ELOC: variants seen among roughly 807,000 people sequenced by gnomAD.
ELOC encodes elongin-C.
For missense variants in ELOC, 38 were observed against 139.0 expected (o/e 0.27, Z 3.65); for synonymous variants, 40 against 51.3 (o/e 0.78, Z 0.94).
chr8:73,953,592 G>T (rs1341029476), intron 3 of ELOC, among the ~76,000 whole-genome samples: 1 of 152,034 alleles, frequency 6.6e-6, no homozygotes, highest in Non-Finnish European at 1.5e-5. Flanking sequence ...CCTGGGAGGT[G>T]GAGGTTGTGG....
intron 1 of ELOC, among the ~76,000 whole-genome samples, chr8:73,961,183 T>C (rs1814567469): frequency 6.6e-6 from 1 of 152,242 alleles, no homozygotes; most frequent in Non-Finnish European, 1.5e-5. Flanking sequence ...AGTAACATAC[T>C]ACAGCATTTA....
At chr8:73,957,763 T>TCCAC (rs1814293740) in intron 2 of ELOC, among the ~76,000 whole-genome samples, 1 of 152,088 alleles carries the variant, frequency 6.6e-6, no homozygotes, top group African/African-American at 2.4e-5. Context: ...CATCCATCCA[T>TCCAC]CCACCCACCC....
At chr8:73,963,368 T>C (rs944487166) in intron 1 of ELOC, among the ~76,000 whole-genome samples, 6 of 152,236 alleles carry the variant, frequency 3.9e-5, no homozygotes, top group Non-Finnish European at 8.8e-5. Flanking sequence ...GTTGGGTAAG[T>C]CTCCATTTTG....
intron 3 of ELOC, among the ~76,000 whole-genome samples, chr8:73,953,575 G>A (rs1314153688): frequency 3.3e-5 from 5 of 151,746 alleles, no homozygotes; most frequent in African/African-American, 7.3e-5. Context: ...CAGGAGAATC[G>A]CTTGAACCTG....
At chr8:73,953,503 C>T (rs540035022) in intron 3 of ELOC, among the ~76,000 whole-genome samples, 5 of 151,566 alleles carry the variant, frequency 3.3e-5, no homozygotes, top group Non-Finnish European at 5.9e-5. Context: ...ATGGAGAAAC[C>T]CCGTCTCCAC....
At chr8:73,971,049 AAAG>A (rs1815357265) in intron 1 of ELOC, among the ~76,000 whole-genome samples, 1 of 150,618 alleles carries the variant, frequency 6.6e-6, no homozygotes, top group Admixed American at 6.6e-5. Flanking sequence ...AAAAAAAAAA[AAAG>A]AAAAAGAAAA....
chr8:73,971,298 G>A (rs531383915), intron 1 of ELOC, among the ~76,000 whole-genome samples: 140 of 152,254 alleles, frequency 9.2e-4, no homozygotes, highest in Non-Finnish European at 1.8e-3. Flanking sequence ...CTACGTGGGA[G>A]GCTGAGGCAG....
chr8:73,964,093 C>A (rs1317290536), intron 1 of ELOC, among the ~76,000 whole-genome samples: 385 of 80,308 alleles, frequency 4.8e-3, no homozygotes, highest in East Asian at 8.3e-3. Flanking sequence ...AATTCCGTCT[C>A]AAAAAAAAAA....
At chr8:73,950,602 G>A (rs981317965) in intron 3 of ELOC, among the ~76,000 whole-genome samples, 13 of 152,154 alleles carry the variant, frequency 8.5e-5, no homozygotes, top group Admixed American at 5.2e-4. Context: ...CTAAATCATA[G>A]TGGGGAATTT....
At position 73,959,799 on chromosome 8, in the gene ELOC, C is replaced by T. The variant is rs755551907; in HGVS notation, c.-31G>A. On this transcript the variant is annotated 5_prime_UTR_variant, in exon 2 of 4. Transcript: ENST00000520242. ...TCTTATGAAATTCTACTTTGCTTCC[C>T]CAGGAACTTTAGTAGTTTCCTGAAA... 2.0e-5 allele frequency: 31 copies of T among 1,540,110 alleles called. No individual in the cohort carries two copies. The highest frequency in any genetic ancestry group is 8.9e-5 in the South Asian group (7 of 78,998).
chr8:73,954,782 T>G (rs1429968476), intron 3 of ELOC, among the ~76,000 whole-genome samples: 1 of 149,454 alleles, frequency 6.7e-6, no homozygotes, highest in Non-Finnish European at 1.5e-5. Context: ...CTATAATCCC[T>G]GCACTTTGGG....
intron 3 of ELOC, among the ~76,000 whole-genome samples, chr8:73,954,850 G>A (rs1241523274): frequency 4.0e-5 from 6 of 150,824 alleles, no homozygotes; most frequent in Non-Finnish European, 7.4e-5. Context: ...CGACCAATAT[G>A]GTGAAAACCC....
At chr8:73,967,717 C>T (rs1312502873) in intron 1 of ELOC, among the ~76,000 whole-genome samples, 3 of 152,170 alleles carry the variant, frequency 2.0e-5, no homozygotes, top group East Asian at 1.9e-4. Context: ...ATCCGCTCAC[C>T]TTGGCCTCCC....
chr8:73,947,789 G>A (rs979366057), intron 3 of ELOC, among the ~76,000 whole-genome samples: 1 of 151,942 alleles, frequency 6.6e-6, no homozygotes, highest in Non-Finnish European at 1.5e-5. Context: ...TGCCCAGGCT[G>A]GTCTTGAACT....
intron 1 of ELOC, among the ~76,000 whole-genome samples, chr8:73,965,180 TA>T (rs199902533): frequency 3.8e-4 from 56 of 147,054 alleles, no homozygotes; most frequent in East Asian, 1.2e-3. Context: ...TGTATGTCAA[TA>T]AAAAAAAAAT....
intron 1 of ELOC, among the ~76,000 whole-genome samples, chr8:73,971,460 G>A (rs1187526867): frequency 6.6e-6 from 1 of 152,142 alleles, no homozygotes; most frequent in African/African-American, 2.4e-5. Context: ...GAGTAGAAAT[G>A]CTCACGCTAA....
chr8:73,962,099 T>C (rs1293617988), intron 1 of ELOC, among the ~76,000 whole-genome samples: 1 of 152,152 alleles, frequency 6.6e-6, no homozygotes, highest in Non-Finnish European at 1.5e-5. Flanking sequence ...TTTCACCATG[T>C]TGGCCAGGCT....
chr8:73,955,343 C>T (rs1375334893), intron 3 of ELOC: 1 of 152,630 alleles, frequency 6.6e-6, no homozygotes, highest in Non-Finnish European at 1.5e-5. Context: ...TGGTGGCTCA[C>T]TCTTGTAATC....
At chr8:73,961,967 C>G (rs1814636350) in intron 1 of ELOC, among the ~76,000 whole-genome samples, 1 of 152,148 alleles carries the variant, frequency 6.6e-6, no homozygotes, top group Admixed American at 6.5e-5. Context: ...GTGATCTTGG[C>G]TCACTGCAAC....
Sources: allele counts gnomAD v4.1 joint callset (sites outside exome capture counted in the v4.1 genomes callset), GRCh38; gene constraint gnomAD v4.1.1; transcripts MANE v1.5; gene names NCBI Gene and HGNC (gene_info 2026-07-23, HGNC 2026-07-21).